The following GSE1 variants were observed in gnomAD, a reference collection of about 807,000 sequenced individuals.
GSE1 encodes Gse1 coiled-coil protein, also known as genetic suppressor element 1.
Under a neutral mutation model 112.6 loss-of-function variants are expected in GSE1, and 32 were observed. That is an observed-to-expected ratio of 0.28 (90% CI 0.21 to 0.38). The LOEUF is 0.38. Among genes scored for constraint, GSE1 ranks in the 10% least tolerant of loss-of-function variants. The pLI, the probability that GSE1 is intolerant of heterozygous loss-of-function variation, is 1.00. For synonymous variants in GSE1, 1,115 were observed against 735.6 expected (o/e 1.52, Z -8.35); for missense variants, 2,348 against 1,699.2 (o/e 1.38, Z -6.71).
chr16:85,523,605 G>A (rs1329034760), intron 2 of GSE1, among the ~76,000 whole-genome samples: 1 of 152,220 alleles, frequency 6.6e-6, no homozygotes, highest in Non-Finnish European at 1.5e-5. Flanking sequence ...CAGCCGTGGG[G>A]GCTGGAGCTG....
At chr16:85,184,752 A>G (rs958617110) in intron 1 of GSE1, among the ~76,000 whole-genome samples, 1 of 152,134 alleles carries the variant, frequency 6.6e-6, no homozygotes, top group Admixed American at 6.5e-5. Context: ...ATTTCCAAAC[A>G]TTGGACTATC....
At chr16:85,606,759 G>A (rs367929263), upstream of GSE1, among the ~76,000 whole-genome samples, 3 of 152,320 alleles carry the variant, frequency 2.0e-5, no homozygotes, top group East Asian at 3.9e-4. Flanking sequence ...GGCCAGGGCC[G>A]TCTGGCTAGC....
chr16:85,492,691 T>C (rs2051048748), intron 2 of GSE1, among the ~76,000 whole-genome samples: 1 of 152,126 alleles, frequency 6.6e-6, no homozygotes, highest in Non-Finnish European at 1.5e-5. Context: ...GTAGCCACAC[T>C]GCCTACCAGA....
At chr16:85,324,007 T>A (rs1395071099) in intron 1 of GSE1, among the ~76,000 whole-genome samples, 1 of 152,152 alleles carries the variant, frequency 6.6e-6, no homozygotes, top group Admixed American at 6.5e-5. Context: ...TTAACCAAGG[T>A]CTCGCTGCAC....
At chr16:85,464,816 C>T (rs1304921673) in intron 2 of GSE1, among the ~76,000 whole-genome samples, 1 of 152,198 alleles carries the variant, frequency 6.6e-6, no homozygotes, top group Non-Finnish European at 1.5e-5. Context: ...AGGATGCCGG[C>T]TGGAGAGGCC....
chr16:85,247,678 C>T (rs1294017479), intron 1 of GSE1, among the ~76,000 whole-genome samples: 3 of 152,232 alleles, frequency 2.0e-5, no homozygotes, highest in Non-Finnish European at 4.4e-5. Flanking sequence ...GCCAGCTGGC[C>T]CTGGGCAGGT....
chr16:85,603,339 C>T (rs2047549578), intron 1 of GSE1, among the ~76,000 whole-genome samples: 1 of 152,186 alleles, frequency 6.6e-6, no homozygotes, highest in African/African-American at 2.4e-5. Context: ...TCATGACTGG[C>T]TTCGCTCGTG....
rs183445460 is a variant in GSE1 at position 85,438,763 on chromosome 16, A to C, written c.2464+81120A>C. Among the ~76,000 whole-genome samples, 3 of 152,276 alleles carry C rather than the reference A, an allele frequency of 2.0e-5. No individual in the cohort carries two copies. The East Asian group carries it at 5.8e-4, about 29-fold the overall frequency. The stretch of plus-strand genomic sequence containing the variant: ...TGTATAAAGTAGGTGTGAGCACCTG[A>C]GTTTCAGGGGTGAAGAAGCAAAGGG... On this transcript the variant is annotated intron_variant, in intron 2 of 2. Coordinates refer to the GSE1 transcript ENST00000637419.
chr16:85,293,159 C>A (rs905269653), intron 1 of GSE1, among the ~76,000 whole-genome samples: 3 of 152,124 alleles, frequency 2.0e-5, no homozygotes, highest in Non-Finnish European at 2.9e-5. Context: ...TTTGTCCCCC[C>A]ATCGCTGTAC....
At chr16:85,238,938 G>GT (rs939213493) in intron 1 of GSE1, among the ~76,000 whole-genome samples, 55 of 151,198 alleles carry the variant, frequency 3.6e-4, no homozygotes, top group South Asian at 1.7e-3. Context: ...CATTTTCTTT[G>GT]TTTTTTTTTG....
intron 1 of GSE1, among the ~76,000 whole-genome samples, chr16:85,632,363 C>T (rs916150912): frequency 1.3e-5 from 2 of 152,086 alleles, no homozygotes; most frequent in Admixed American, 6.5e-5. Context: ...TTGCAGCCCC[C>T]TCTCTCAGGC....
intron 1 of GSE1, among the ~76,000 whole-genome samples, chr16:85,618,819 G>A (rs1395378393): frequency 6.6e-6 from 1 of 152,218 alleles, no homozygotes; most frequent in East Asian, 1.9e-4. Context: ...CGCGACACCT[G>A]GCTAATTTTA....
intron 1 of GSE1, among the ~76,000 whole-genome samples, chr16:85,213,714 G>T (rs978245359): frequency 6.6e-6 from 1 of 152,214 alleles, no homozygotes; most frequent in African/African-American, 2.4e-5. Flanking sequence ...ACGCATCAGG[G>T]GTGCCCTTGC....
intron 1 of GSE1, among the ~76,000 whole-genome samples, chr16:85,334,938 C>T (rs1046585146): frequency 1.3e-5 from 2 of 152,214 alleles, no homozygotes; most frequent in African/African-American, 4.8e-5. Flanking sequence ...TTTATCTGCA[C>T]AGCAAGACAA....
chr16:85,353,104 G>C (rs1315427455), intron 1 of GSE1, among the ~76,000 whole-genome samples: 1 of 152,244 alleles, frequency 6.6e-6, no homozygotes. Context: ...GGCCTCACTA[G>C]GCTGCAGATC....
intron 2 of GSE1, among the ~76,000 whole-genome samples, chr16:85,481,473 A>C (rs1274114784): frequency 6.6e-6 from 1 of 152,182 alleles, no homozygotes; most frequent in South Asian, 2.1e-4. Flanking sequence ...TCCATGTAAG[A>C]GGAACCTTGC....
exon 1 of GSE1, chr16:85,171,082 C>T (rs1446368172): frequency 2.3e-5 from 23 of 985,698 alleles, no homozygotes; most frequent in Non-Finnish European, 2.8e-5. Flanking sequence ...GCCCTGCCCG[C>T]CCAACGCCCA....
chr16:85,536,252 G>T (rs2044323040), intron 2 of GSE1, among the ~76,000 whole-genome samples: 1 of 152,196 alleles, frequency 6.6e-6, no homozygotes, highest in Admixed American at 6.5e-5. Context: ...CTTCCTTTAG[G>T]GAAGTGGGTG....
At chr16:85,204,387 C>G (rs951911602) in intron 1 of GSE1, among the ~76,000 whole-genome samples, 7 of 152,300 alleles carry the variant, frequency 4.6e-5, no homozygotes, top group African/African-American at 1.7e-4. Context: ...CACCTTTTGG[C>G]TAGTGTGAGT....
Sources: gnomAD v4.1 joint callset for allele counts (sites outside exome capture counted in the v4.1 genomes callset) on GRCh38, gnomAD v4.1.1 for gene constraint, MANE v1.5 for transcripts, NCBI Gene and HGNC (gene_info 2026-07-23, HGNC 2026-07-21) for gene names.